Variants in ARL13B observed in about 807,000 individuals in gnomAD.
The protein encoded by ARL13B is ADP-ribosylation factor-like protein 13B.
ARL13B carries 36 observed loss-of-function variants against 56.1 expected under a neutral mutation model. The observed-to-expected ratio is 0.64, with a 90% CI of 0.49 to 0.85. The LOEUF (loss-of-function observed/expected upper bound fraction) is 0.85. Among genes scored for constraint, ARL13B ranks in the 40% least tolerant of loss-of-function variants. The pLI, the probability that ARL13B is intolerant of heterozygous loss-of-function variation, is 0.00. For missense variants in ARL13B, 519 were observed against 507.1 expected, an observed-to-expected ratio of 1.02 and a Z score of -0.23; for synonymous variants, 178 against 171.1, an observed-to-expected ratio of 1.04 and a Z score of -0.32.
At chr3:93,984,517 A>C (rs1710359113) in intron 1 of ARL13B, among the ~76,000 whole-genome samples, 1 of 152,132 alleles carries the variant, frequency 6.6e-6, no homozygotes, top group Non-Finnish European at 1.5e-5. Flanking sequence ...TTTCAGAGGC[A>C]GAAGAGGTGG....
rs2077093871 is a variant in ARL13B, at chr3:94,053,207, C to T, written c.1231C>T (p.Pro411Ser). The change falls in exon 10 of 10, where the codon CCT (proline) becomes TCT (serine). Residue 411 changes from proline (P) to serine (S), a missense_variant. By Grantham distance (74) the Pro-to-Ser change is moderately conservative. Coordinates refer to ENST00000394222, the MANE Select transcript of ARL13B (RefSeq NM_001174150.2). ...CTTAGATTTCTATAGGAAGCCACTG[C>T]CTCCCCTGGCTGTGCCACAGCGACC... ...HHNDFYRKPL[P>S]PLAVPQRPNS... is the part of the protein sequence containing the mutation. The T allele has an allele frequency of 6.2e-7, 1 of 1,612,820 alleles. No homozygotes were observed. The highest frequency in any genetic ancestry group is 2.2e-5 in the East Asian group (1 of 44,858).
intron 3 of ARL13B, among the ~76,000 whole-genome samples, chr3:94,019,732 C>T (rs2106988748): frequency 6.6e-6 from 1 of 152,320 alleles, no homozygotes; most frequent in African/African-American, 2.4e-5. Flanking sequence ...ACAATGACTT[C>T]ACCCCTTCTG....
chr3:94,032,590 G>A (rs915731445), intron 3 of ARL13B, among the ~76,000 whole-genome samples: 1 of 151,922 alleles, frequency 6.6e-6, no homozygotes, highest in African/African-American at 2.4e-5. Context: ...TCTGCCTCCC[G>A]GGTTCATGCC....
At chr3:94,008,089 A>G (rs1383436438) in intron 3 of ARL13B, among the ~76,000 whole-genome samples, 1 of 152,212 alleles carries the variant, frequency 6.6e-6, no homozygotes, top group Non-Finnish European at 1.5e-5. Context: ...TCAGCTATGT[A>G]GAGTGGCATG....
At chr3:94,019,736 C>T (rs1269589136) in intron 3 of ARL13B, among the ~76,000 whole-genome samples, 1 of 152,188 alleles carries the variant, frequency 6.6e-6, no homozygotes, top group Non-Finnish European at 1.5e-5. Flanking sequence ...TGACTTCACC[C>T]CTTCTGTTAC....
intron 7 of ARL13B, among the ~76,000 whole-genome samples, chr3:94,043,997 G>A (rs549126142): frequency 2.2e-4 from 34 of 151,946 alleles, no homozygotes; most frequent in Non-Finnish European, 4.3e-4. Context: ...GCGTGATCTC[G>A]GCTCGCTACA....
rs752222397 is a variant in ARL13B, at chr3:93,980,463, C to T, written c.40C>T (p.Arg14Trp). The T allele has an allele frequency of 1.9e-6, 3 of 1,611,906 alleles. No individual in the cohort carries two copies. Among genetic ancestry groups the T allele is most frequent in the Non-Finnish European group, 2.5e-6 (3 of 1,179,976 alleles). The change falls in exon 1 of 10, where the codon CGG (arginine) becomes TGG (tryptophan). Residue 14 changes from arginine to tryptophan, a missense_variant. Coordinates refer to ENST00000394222, the MANE Select transcript of ARL13B (RefSeq NM_001174150.2). ...LMASCCGWFK[R>W]WREPVRKVTL... ...GGCCAGTTGCTGCGGCTGGTTCAAG[C>T]GGTGGCGGGAGCCTGTCAGGTAGGC...
At chr3:94,038,229 T>C (rs1164072745) in intron 5 of ARL13B, among the ~76,000 whole-genome samples, 1 of 152,214 alleles carries the variant, frequency 6.6e-6, no homozygotes, top group Non-Finnish European at 1.5e-5. Flanking sequence ...TATATTACTT[T>C]ATCTGACCCT....
intron 7 of ARL13B, among the ~76,000 whole-genome samples, chr3:94,044,751 G>A (rs1576048085): frequency 2.1e-5 from 3 of 145,204 alleles, no homozygotes; most frequent in East Asian, 2.1e-4. Flanking sequence ...GGTGAGGAGC[G>A]CCTCTGCCCG....
intron 7 of ARL13B, among the ~76,000 whole-genome samples, chr3:94,046,673 A>G (rs1381296467): frequency 1.3e-5 from 2 of 152,204 alleles, no homozygotes; most frequent in African/African-American, 2.4e-5. Context: ...TCCTTGGAAT[A>G]AATTTAACAT....
At chr3:93,998,266 A>C (rs1053687247) in intron 2 of ARL13B, among the ~76,000 whole-genome samples, 10 of 152,194 alleles carry the variant, frequency 6.6e-5, no homozygotes, top group Admixed American at 5.9e-4. Context: ...GCACCTTAGA[A>C]TGTGCTAATC....
At chr3:94,007,683 C>CCA (rs1333182981) in intron 3 of ARL13B, among the ~76,000 whole-genome samples, 9 of 152,120 alleles carry the variant, frequency 5.9e-5, no homozygotes, top group African/African-American at 2.2e-4. Flanking sequence ...TCATCTCCCA[C>CCA]CAGGTCCCTC....
intron 3 of ARL13B, among the ~76,000 whole-genome samples, chr3:94,006,359 G>C (rs913253472): frequency 3.9e-5 from 6 of 152,070 alleles, no homozygotes; most frequent in Admixed American, 6.6e-5. Context: ...AACACCTCTT[G>C]AATGTCTGAC....
intron 6 of ARL13B, among the ~76,000 whole-genome samples, chr3:94,040,609 A>G (rs2076845110): frequency 6.7e-6 from 1 of 149,764 alleles, no homozygotes; most frequent in Admixed American, 6.6e-5. Context: ...CTCTGCTTTT[A>G]TGGCTGGCAG....
intron 7 of ARL13B, among the ~76,000 whole-genome samples, chr3:94,046,275 C>T (rs950701043): frequency 2.0e-5 from 3 of 152,056 alleles, no homozygotes; most frequent in Admixed American, 6.6e-5. Context: ...CCCTTCTTTC[C>T]TCCCCTCTCT....
intron 1 of ARL13B, among the ~76,000 whole-genome samples, chr3:93,981,557 T>G (rs1455493839): frequency 1.3e-5 from 2 of 151,978 alleles, no homozygotes; most frequent in Non-Finnish European, 2.9e-5. Flanking sequence ...AATTTGAATG[T>G]TTTAAATATA....
intron 4 of ARL13B, 48 bp downstream of exon 4, chr3:94,035,484 T>C (rs374950823): frequency 1.5e-6 from 2 of 1,301,578 alleles, no homozygotes; most frequent in African/African-American, 3.0e-5. Flanking sequence ...TCCTTTCAAA[T>C]AGGTTCAGTA....
intron 3 of ARL13B, chr3:94,014,724 T>C: frequency 3.1e-6 from 5 of 1,613,020 alleles, no homozygotes; most frequent in Non-Finnish European, 4.2e-6. Context: ...GCATATCATT[T>C]ACATCTTCTT....
In ARL13B at chr3:93,999,602, C is replaced by T. The variant is rs182620487; in HGVS notation, c.130+3658C>T. On this transcript the variant is annotated intron_variant, in intron 2 of 9. Transcript: ENST00000394222. ...ACTCTTTCAGTTGTTTTTAAATGTTCGATTAAATTATTATTGACTATAGTC... is the reference window on the plus strand; with the variant it reads ...ACTCTTTCAGTTGTTTTTAAATGTTTGATTAAATTATTATTGACTATAGTC... Among the ~76,000 whole-genome samples the T allele has an allele frequency of 5.1e-3, 770 of 152,120 alleles. 6 individuals are homozygous for T. The highest frequency in any genetic ancestry group is 0.018 in the African/African-American group (734 of 41,510).
Sources: allele counts gnomAD v4.1 joint callset (sites outside exome capture counted in the v4.1 genomes callset), GRCh38; gene constraint gnomAD v4.1.1; transcripts MANE v1.5; gene names NCBI Gene and HGNC (gene_info 2026-07-23, HGNC 2026-07-21).